The following PCDHA9 variants were observed in gnomAD, a reference collection of about 807,000 sequenced individuals.
PCDHA9 encodes the protein protocadherin alpha-9.
In PCDHA9, 62 loss-of-function variants were observed where a neutral mutation model predicts 62.0. The observed-to-expected ratio is 1.00, with a 90% confidence interval of 0.81 to 1.23. The LOEUF (loss-of-function observed/expected upper bound fraction) is 1.23. Ranked by LOEUF, PCDHA9 falls within the 50% of genes most tolerant of loss-of-function variation. The probability of loss-of-function intolerance (pLI) is 0.00; values close to 1 mark genes in which losing one functional copy is unlikely to be tolerated. For missense variants in PCDHA9, 1,205 were observed against 1,249.8 expected, an observed-to-expected ratio of 0.96 and a Z score of 0.54; for synonymous variants, 557 against 567.6, an observed-to-expected ratio of 0.98 and a Z score of 0.27.
intron 1 of PCDHA9, chr5:140,857,987 C>T: frequency 6.3e-7 from 1 of 1,596,876 alleles, no homozygotes; most frequent in Admixed American, 1.7e-5. Context: ...CCAGCGCCTA[C>T]TGGTGCTGGT....
In PCDHA9 at chr5:140,876,831, T is replaced by G. The variant is rs201991889; in HGVS notation, c.2394+25942T>G. Reference sequence around the variant, plus strand: ...TGGCCGACGTGAACGACAATGCGCCTGCGTTCGCGCAGCCCGAGTACACAG... The same window carrying G: ...TGGCCGACGTGAACGACAATGCGCCGGCGTTCGCGCAGCCCGAGTACACAG... On this transcript the variant is annotated intron_variant, in intron 1 of 3. Coordinates refer to ENST00000532602, the MANE Select transcript of PCDHA9 (RefSeq NM_031857.2). 1.5e-4 allele frequency: 250 copies of G among 1,614,080 alleles called. 4 individuals are homozygous for G. In the East Asian group the frequency reaches 3.4e-3, roughly 22 times the overall value.
intron 1 of PCDHA9, chr5:140,866,128 A>G (rs1022878402): frequency 6.6e-6 from 1 of 152,166 alleles, no homozygotes; most frequent in Non-Finnish European, 1.5e-5. Flanking sequence ...AGAACTACGT[A>G]TCTGTTGTTT....
intron 1 of PCDHA9, among the ~76,000 whole-genome samples, chr5:140,951,543 C>G (rs246041): frequency 0.56 from 85,284 of 151,440 alleles, 24,613 homozygotes; most frequent in African/African-American, 0.69. Flanking sequence ...GAGCAAGGGA[C>G]GGGGGGAAGT....
chr5:141,010,006 T>C lies in PCDHA9; in HGVS notation c.*69T>C. The stretch of plus-strand genomic sequence containing the variant: ...ATGGCAAATCTCTCCCATGTAGCAA[T>C]TCCCTGCTCCTTTTTCCTATCTACA... On this transcript the variant is annotated 3_prime_UTR_variant, in exon 4 of 4. Transcript: ENST00000532602. 1 of 1,572,424 alleles carries C rather than the reference T, an allele frequency of 6.4e-7. No individual in the cohort carries two copies. Among genetic ancestry groups the C allele is most frequent in the Non-Finnish European group, 8.6e-7 (1 of 1,163,442 alleles).
chr5:140,855,900 C>G, intron 1 of PCDHA9: 1 of 1,079,358 alleles, frequency 9.3e-7, no homozygotes, highest in Non-Finnish European at 1.3e-6. Flanking sequence ...AGGCATCAGC[C>G]AGTTTCTCAA....
chr5:140,884,555 G>C, intron 1 of PCDHA9: 1 of 1,614,098 alleles, frequency 6.2e-7, no homozygotes, highest in Non-Finnish European at 8.5e-7. Context: ...CTCTGGGGAG[G>C]GCCCGCATAA....
intron 1 of PCDHA9, among the ~76,000 whole-genome samples, chr5:140,925,358 C>A (rs1554202714): frequency 8.5e-5 from 13 of 152,094 alleles, no homozygotes; most frequent in Non-Finnish European, 1.9e-4. Flanking sequence ...GAATTTAGTG[C>A]TTCATAGTCA....
Position 141,010,175 on chromosome 5 carries a change from A to G in PCDHA9, c.*238A>G. The G allele has an allele frequency of 6.4e-7, 1 of 1,556,224 alleles. No homozygotes were observed. The highest frequency in any genetic ancestry group is 8.7e-7 in the Non-Finnish European group (1 of 1,149,078). On this transcript the variant is annotated 3_prime_UTR_variant, in exon 4 of 4. Coordinates refer to ENST00000532602, the MANE Select transcript of PCDHA9 (RefSeq NM_031857.2). ...TCTGGCTTGTTTTCAGAACCTAAAA[A>G]GCAGACCCAAGTTTCCTTTCTCCTC...
chr5:140,997,859 T>C (rs2097788506), intron 3 of PCDHA9, among the ~76,000 whole-genome samples: 1 of 152,216 alleles, frequency 6.6e-6, no homozygotes, highest in Non-Finnish European at 1.5e-5. Context: ...TACATATTTC[T>C]TATGCATGCT....
intron 1 of PCDHA9, among the ~76,000 whole-genome samples, chr5:140,889,098 T>C (rs1252119447): frequency 6.6e-6 from 1 of 152,012 alleles, no homozygotes; most frequent in African/African-American, 2.4e-5. Flanking sequence ...AACAATTTTT[T>C]CATCTTTATT....
At chr5:140,975,053 A>C (rs2096651589) in intron 1 of PCDHA9, among the ~76,000 whole-genome samples, 1 of 152,144 alleles carries the variant, frequency 6.6e-6, no homozygotes, top group Admixed American at 6.5e-5. Flanking sequence ...GGAAGAATCT[A>C]CTATCGAGCT....
At chr5:140,893,488 C>G (rs2064010316) in intron 1 of PCDHA9, among the ~76,000 whole-genome samples, 1 of 151,368 alleles carries the variant, frequency 6.6e-6, no homozygotes, top group Non-Finnish European at 1.5e-5. Flanking sequence ...CCCTGTTCTT[C>G]ACAAAAAAGA....
In PCDHA9 at chr5:140,850,275, G is replaced by T; in HGVS notation, c.1780G>T (p.Val594Leu). 6.3e-7 allele frequency: 1 copy of T among 1,595,466 alleles called. No homozygotes were observed. Among genetic ancestry groups the T allele is most frequent in the East Asian group, 2.2e-5 (1 of 44,830 alleles). The part of the protein sequence containing the change: ...SVGAGVVVGK[V>L]RAVDADSGYN... ...GGGCGCCGGCGTAGTGGTGGGGAAGGTGCGCGCAGTGGACGCCGACTCGGG... is the reference window on the plus strand; with the variant it reads ...GGGCGCCGGCGTAGTGGTGGGGAAGTTGCGCGCAGTGGACGCCGACTCGGG... The change falls in exon 1 of 4, where the codon GTG becomes TTG. Residue 594 changes from valine (V) to leucine (L), a missense_variant. Val to Leu is a conservative substitution (Grantham distance 32). Transcript: ENST00000532602.
chr5:140,870,420 G>A (rs371557347), intron 1 of PCDHA9: 9 of 1,614,234 alleles, frequency 5.6e-6, no homozygotes, highest in Admixed American at 1.7e-5. Context: ...CCACGGCCAG[G>A]GTATCCGTGG....
Position 140,849,797 on chromosome 5 carries a change from A to G in PCDHA9, c.1302A>G (p.Ser434=), listed in dbSNP as rs2150450643. Residue 434 remains serine, a synonymous_variant, in exon 1 of 4, where the codon TCA becomes TCG. Coordinates refer to ENST00000532602, the MANE Select transcript of PCDHA9 (RefSeq NM_031857.2). ...VVTARDGGSP[S]LWATARVSVE... ...CCGCGCGGGACGGGGGCTCGCCTTC[A>G]CTGTGGGCCACGGCCAGGGTGTCTG... 700 of 1,597,928 alleles carry G rather than the reference A, an allele frequency of 4.4e-4. 59 individuals carry two copies. Among genetic ancestry groups the G allele is most frequent in the Non-Finnish European group, 5.7e-4 (663 of 1,167,700 alleles).
intron 1 of PCDHA9, chr5:140,930,379 G>A (rs1249793792): frequency 1.3e-5 from 2 of 151,896 alleles, no homozygotes; most frequent in African/African-American, 2.4e-5. Context: ...GTGGCCCTTG[G>A]CATTTCAAAA....
chr5:140,928,513 A>G lies in PCDHA9; in HGVS notation c.2395-50436A>G, dbSNP rs781867292. On this transcript the variant is annotated intron_variant, in intron 1 of 3. Transcript: ENST00000532602. ...TCCTCCCAGAAGTGCAACAGTGACTATAAACTTGTTTGTGGTAGATAGGAA... is the reference window on the plus strand; with the variant it reads ...TCCTCCCAGAAGTGCAACAGTGACTGTAAACTTGTTTGTGGTAGATAGGAA... 1.4e-5 allele frequency: 23 copies of G among 1,614,064 alleles called. No individual in the cohort carries two copies. In the African/African-American group the frequency reaches 2.8e-4, roughly 20 times the overall value.
At chr5:140,935,093 A>G (rs1182064605) in intron 1 of PCDHA9, among the ~76,000 whole-genome samples, 1 of 152,204 alleles carries the variant, frequency 6.6e-6, no homozygotes, top group Admixed American at 6.5e-5. Context: ...TCCCAGAATC[A>G]GCCATTTTTC....
intron 1 of PCDHA9, chr5:140,870,945 G>A (rs782397621): frequency 1.2e-6 from 2 of 1,613,724 alleles, no homozygotes; most frequent in Non-Finnish European, 1.7e-6. Context: ...AGCCGGCGGC[G>A]GGCGGCTCGC....
Sources: gnomAD v4.1 joint callset for allele counts (sites outside exome capture counted in the v4.1 genomes callset) on GRCh38, gnomAD v4.1.1 for gene constraint, MANE v1.5 for transcripts, NCBI Gene and HGNC (gene_info 2026-07-23, HGNC 2026-07-21) for gene names.